METTL21A: variants seen among roughly 807,000 people sequenced by gnomAD.
METTL21A encodes protein N-lysine methyltransferase METTL21A.
A neutral mutation model predicts 20.9 loss-of-function variants in METTL21A; 22 were observed. That is an observed-to-expected ratio of 1.05 (90% confidence interval 0.75 to 1.50). The LOEUF is 1.50. METTL21A is among the 40% of genes most tolerant of loss of function. The pLI, the probability that METTL21A is intolerant of heterozygous loss-of-function variation, is 0.00. For synonymous variants in METTL21A, 93 were observed against 102.0 expected (o/e 0.91, Z 0.53); for missense variants, 271 against 266.8 (o/e 1.02, Z -0.11).
intron 3 of METTL21A, among the ~76,000 whole-genome samples, chr2:207,593,598 A>G (rs958195695): frequency 1.3e-5 from 2 of 152,228 alleles, no homozygotes; most frequent in Admixed American, 1.3e-4. Flanking sequence ...GAAGACATCA[A>G]TGGAATTACA....
At chr2:207,597,181 A>G in intron 3 of METTL21A, 1 of 1,012,106 alleles carries the variant, frequency 9.9e-7, no homozygotes, top group East Asian at 3.0e-5. Context: ...AACTGCCTGA[A>G]AGCAACTACA....
intron 3 of METTL21A, among the ~76,000 whole-genome samples, chr2:207,614,553 C>G (rs937223767): frequency 1.3e-5 from 2 of 152,202 alleles, no homozygotes; most frequent in Admixed American, 6.5e-5. Context: ...AAGCAGCCAA[C>G]TTACATGTTT....
chr2:207,614,701 G>T (rs190121016), intron 3 of METTL21A, among the ~76,000 whole-genome samples: 1 of 152,248 alleles, frequency 6.6e-6, no homozygotes, highest in African/African-American at 2.4e-5. Flanking sequence ...TTGACAAAAA[G>T]ATCCTTTTTT....
intron 3 of METTL21A, among the ~76,000 whole-genome samples, chr2:207,584,620 T>C (rs2083490439): frequency 6.6e-6 from 1 of 152,224 alleles, no homozygotes; most frequent in African/African-American, 2.4e-5. Flanking sequence ...CAGGCTGGTT[T>C]TGAACTCCTG....
intron 3 of METTL21A, among the ~76,000 whole-genome samples, chr2:207,617,452 G>A (rs2089919837): frequency 6.6e-6 from 1 of 152,220 alleles, no homozygotes; most frequent in Non-Finnish European, 1.5e-5. Context: ...CCAAGGAAAA[G>A]GTGTGAAGAA....
At chr2:207,595,013 C>CT (rs1205995801) in intron 3 of METTL21A, among the ~76,000 whole-genome samples, 1 of 39,530 alleles carries the variant, frequency 2.5e-5, no homozygotes, top group Non-Finnish European at 5.1e-5. Flanking sequence ...TTTTTTTTTT[C>CT]TGAGATGGAG....
intron 3 of METTL21A, among the ~76,000 whole-genome samples, chr2:207,590,213 A>AG: frequency 6.6e-6 from 1 of 150,568 alleles, no homozygotes; most frequent in East Asian, 2.0e-4. Context: ...TCATGACCAT[A>AG]GAGTTGTTTG....
At chr2:207,604,368 G>A (rs2087690088), downstream of METTL21A, among the ~76,000 whole-genome samples, 1 of 152,166 alleles carries the variant, frequency 6.6e-6, no homozygotes, top group African/African-American at 2.4e-5. Flanking sequence ...CCTTCCGCTG[G>A]TTTTTCCATC....
chr2:207,590,210 C>T (rs1363521450), intron 3 of METTL21A, among the ~76,000 whole-genome samples: 1 of 149,658 alleles, frequency 6.7e-6, no homozygotes, highest in Non-Finnish European at 1.5e-5. Context: ...AATTCATGAC[C>T]ATAGAGTTGT....
chr2:207,621,206 G>T (rs944987348), intron 3 of METTL21A, among the ~76,000 whole-genome samples: 1 of 152,208 alleles, frequency 6.6e-6, no homozygotes, highest in Non-Finnish European at 1.5e-5. Flanking sequence ...GCCTAAAAAT[G>T]CTCTAGCTCC....
chr2:207,600,953 A>C (rs1378636354), intron 3 of METTL21A: 1 of 194,178 alleles, frequency 5.1e-6, no homozygotes, highest in African/African-American at 2.4e-5. Context: ...TTTTAATTCT[A>C]TGATCAGCCA....
chr2:207,603,892 TTC>T (rs2087581297), intron 3 of METTL21A, among the ~76,000 whole-genome samples: 2 of 152,210 alleles, frequency 1.3e-5, no homozygotes, highest in Non-Finnish European at 2.9e-5. Context: ...CTGAAATAAG[TTC>T]TGAGACGAGA....
downstream of METTL21A, among the ~76,000 whole-genome samples, chr2:207,607,224 C>T (rs2088249197): frequency 6.6e-6 from 1 of 151,988 alleles, no homozygotes; most frequent in African/African-American, 2.4e-5. Context: ...CCCATCTCTA[C>T]TAAAAATACA....
intron 3 of METTL21A, chr2:207,601,196 T>C (rs894022882): frequency 2.2e-5 from 4 of 185,406 alleles, no homozygotes; most frequent in Non-Finnish European, 4.6e-5. Flanking sequence ...AATAGAAAAG[T>C]TGTATATTTA....
downstream of METTL21A, among the ~76,000 whole-genome samples, chr2:207,608,744 G>T (rs2551951): frequency 0.84 from 128,149 of 152,162 alleles, 54,145 homozygotes; most frequent in East Asian, 1. Context: ...GGCTAACACG[G>T]TGAAACCCCA....
At chr2:207,601,872 C>G (rs771728777) in intron 3 of METTL21A, 10 of 215,858 alleles carry the variant, frequency 4.6e-5, no homozygotes, top group Admixed American at 5.8e-5. Flanking sequence ...GGGAGGCTTA[C>G]ATACATCTTG....
intron 3 of METTL21A, chr2:207,599,341 G>A (rs377363594): frequency 4.1e-4 from 84 of 206,164 alleles, no homozygotes; most frequent in Non-Finnish European, 6.6e-4. Flanking sequence ...TCAAAATGTC[G>A]AATCGAACAT....
intron 3 of METTL21A, among the ~76,000 whole-genome samples, chr2:207,587,190 G>A (rs2084011750): frequency 6.6e-6 from 1 of 152,074 alleles, no homozygotes; most frequent in African/African-American, 2.4e-5. Context: ...TCAGGAGATC[G>A]AGACCATCCT....
chr2:207,596,475 T>G (rs934587230), intron 3 of METTL21A, among the ~76,000 whole-genome samples: 3 of 150,808 alleles, frequency 2.0e-5, no homozygotes, highest in Non-Finnish European at 4.4e-5. Context: ...CTCTTGTCAC[T>G]CAGGCTGGAG....
Sources: allele counts gnomAD v4.1 joint callset (sites outside exome capture counted in the v4.1 genomes callset), GRCh38; gene constraint gnomAD v4.1.1; transcripts MANE v1.5; gene names NCBI Gene and HGNC (gene_info 2026-07-23, HGNC 2026-07-21).